Variants in PCDHA11 observed in about 807,000 individuals in gnomAD.
PCDHA11 encodes the protein protocadherin alpha-11.
PCDHA11 carries 61 observed loss-of-function variants against 70.3 expected under a neutral mutation model. The observed-to-expected ratio is 0.87, with a 90% CI of 0.71 to 1.07. The LOEUF is 1.07. Ranked by LOEUF, PCDHA11 falls within the 50% of genes least tolerant of loss-of-function variation. The pLI, the probability that PCDHA11 is intolerant of heterozygous loss-of-function variation, is 0.00. For missense variants in PCDHA11, 1,324 were observed against 1,237.5 expected (o/e 1.07, Z -1.05); for synonymous variants, 633 against 555.1 (o/e 1.14, Z -1.97).
chr5:140,869,810 A>G lies in PCDHA11; in HGVS notation c.707A>G (p.Asn236Ser). 6.2e-7 allele frequency: 1 copy of G among 1,612,624 alleles called. No individual in the cohort carries two copies. Among genetic ancestry groups the G allele is most frequent in the South Asian group, 1.1e-5 (1 of 90,936 alleles). Residue 236 changes from asparagine (N) to serine (S), a missense_variant, in exon 1 of 4, where the codon AAC becomes AGC. Asn to Ser is a conservative substitution (Grantham distance 46). Coordinates refer to ENST00000398640, the MANE Select transcript of PCDHA11 (RefSeq NM_018902.5). ...CTGTTAGTCCAAGTCTTGGATGTCAACGACAATGATCCAGAGTTTGATAAA... is the reference window on the plus strand; with the variant it reads ...CTGTTAGTCCAAGTCTTGGATGTCAGCGACAATGATCCAGAGTTTGATAAA... ...VRLLVQVLDV[N>S]DNDPEFDKSE...
rs1484271840 is a variant in PCDHA11 at position 140,900,260 on chromosome 5, A to G, written c.2391+28766A>G. Among the ~76,000 whole-genome samples the G allele has an allele frequency of 4.0e-5, 6 of 151,898 alleles. No homozygotes were observed. In the South Asian group the frequency reaches 1.0e-3, roughly 26 times the overall value. ...TTTTTTTATGGCTGAATAGTACTCC[A>G]TTGTGTATATGTACCACACTTTCTT... On this transcript the variant is annotated intron_variant, in intron 1 of 3. Coordinates refer to ENST00000398640, the MANE Select transcript of PCDHA11 (RefSeq NM_018902.5).
chr5:140,928,814 A>G, intron 1 of PCDHA11: 1 of 1,614,150 alleles, frequency 6.2e-7, no homozygotes, highest in East Asian at 2.2e-5. Context: ...GTTCGGGACC[A>G]TGGAGACCCA....
intron 1 of PCDHA11, among the ~76,000 whole-genome samples, chr5:140,905,814 G>A (rs1303983123): frequency 6.6e-6 from 1 of 152,090 alleles, no homozygotes; most frequent in South Asian, 2.1e-4. Flanking sequence ...GAATTAATAG[G>A]CTAGATGTGT....
intron 3 of PCDHA11, among the ~76,000 whole-genome samples, chr5:140,989,660 G>T (rs1369597923): frequency 6.6e-6 from 1 of 152,180 alleles, no homozygotes; most frequent in Non-Finnish European, 1.5e-5. Context: ...TATTTTAAAA[G>T]AAACTCTGCC....
At chr5:140,981,982 A>G (rs1026116713) in intron 2 of PCDHA11, among the ~76,000 whole-genome samples, 6 of 152,218 alleles carry the variant, frequency 3.9e-5, no homozygotes, top group Admixed American at 2.0e-4. Context: ...AAAGAGTAAA[A>G]TAGAAAATAA....
rs1487503403 is a variant in PCDHA11 at position 140,941,191 on chromosome 5, T to TTTCTTTC, written c.2392-37756_2392-37755insCTTTCTT. Among the ~76,000 whole-genome samples, 158 of 93,240 alleles carry TTTCTTTC rather than the reference T, an allele frequency of 1.7e-3. 2 individuals carry two copies. Among genetic ancestry groups the TTTCTTTC allele is most frequent in the South Asian group, 0.011 (38 of 3,542 alleles). 61.2% of individuals were successfully genotyped at this position (93,240 alleles called of 152,430 possible). A position where few individuals can be genotyped will look rare whatever the true frequency, so the allele number is the denominator to read the frequency against. ...CATCTTGAACATCCTGCTTCTTTTT[T>TTTCTTTC]TTTCTTTCTTCCTTTCTTTCTTCCT... On this transcript the variant is annotated intron_variant, in intron 1 of 3. Transcript: ENST00000398640.
intron 3 of PCDHA11, among the ~76,000 whole-genome samples, chr5:141,005,795 C>G (rs2098239997): frequency 8.0e-6 from 1 of 124,778 alleles, no homozygotes; most frequent in Admixed American, 8.1e-5. Context: ...GAGGCAAAAA[C>G]AACTCCAAGG....
At chr5:140,926,693 C>T (rs576013331) in intron 1 of PCDHA11, 12 of 742,944 alleles carry the variant, frequency 1.6e-5, no homozygotes, top group African/African-American at 9.2e-5. Context: ...CTAGCAAGCC[C>T]GGCTCCCAGC....
chr5:140,961,648 G>A (rs367674015), intron 1 of PCDHA11, among the ~76,000 whole-genome samples: 1 of 152,156 alleles, frequency 6.6e-6, no homozygotes, highest in African/African-American at 2.4e-5. Flanking sequence ...AGTCTATGTG[G>A]TTAGTTTGAA....
At chr5:140,887,494 CT>C (rs1439502451) in intron 1 of PCDHA11, among the ~76,000 whole-genome samples, 1 of 152,128 alleles carries the variant, frequency 6.6e-6, no homozygotes, top group Non-Finnish European at 1.5e-5. Flanking sequence ...TGCATAGTTT[CT>C]AATAAGATGT....
chr5:140,893,040 C>A (rs1554185508), intron 1 of PCDHA11, among the ~76,000 whole-genome samples: 1 of 152,226 alleles, frequency 6.6e-6, no homozygotes, highest in African/African-American at 2.4e-5. Flanking sequence ...AACATATGCC[C>A]TCCAGGCTCA....
At chr5:140,884,667 G>A (rs1304262646) in intron 1 of PCDHA11, 4 of 1,568,684 alleles carry the variant, frequency 2.5e-6, no homozygotes, top group Non-Finnish European at 2.6e-6. Context: ...AAAGAGGTAA[G>A]CTTATATTTT....
At chr5:140,895,292 C>T (rs1032250917) in intron 1 of PCDHA11, among the ~76,000 whole-genome samples, 11 of 152,044 alleles carry the variant, frequency 7.2e-5, no homozygotes, top group Non-Finnish European at 1.2e-4. Flanking sequence ...TTAGGACCTT[C>T]GATTTCCCCC....
chr5:140,879,027 G>C (rs2057822967), intron 1 of PCDHA11, among the ~76,000 whole-genome samples: 1 of 152,184 alleles, frequency 6.6e-6, no homozygotes, highest in African/African-American at 2.4e-5. Context: ...TTTTATTGAA[G>C]AGTGTCTTGA....
chr5:140,924,895 AAAAAAAAAAATAAAATAAAAT>A (rs1361418672), intron 1 of PCDHA11, among the ~76,000 whole-genome samples: 1,915 of 132,218 alleles, frequency 0.014, 23 homozygotes, highest in Admixed American at 0.024. Context: ...AACCTGTCTC[AAAAAAAAAAATAAAATAAAAT>A]AAAATAAAAT....
chr5:140,935,379 C>T (rs2090338823), intron 1 of PCDHA11, among the ~76,000 whole-genome samples: 1 of 152,196 alleles, frequency 6.6e-6, no homozygotes, highest in African/African-American at 2.4e-5. Context: ...CAGAATTACT[C>T]ATTTGTTATC....
intron 1 of PCDHA11, among the ~76,000 whole-genome samples, chr5:140,956,692 C>T (rs246012): frequency 0.56 from 85,656 of 151,960 alleles, 24,760 homozygotes; most frequent in African/African-American, 0.69. Context: ...CCTCCTTTTC[C>T]ATTGTTTGGA....
At chr5:140,968,909 G>T in intron 1 of PCDHA11, 1 of 1,614,172 alleles carries the variant, frequency 6.2e-7, no homozygotes, top group East Asian at 2.2e-5. Flanking sequence ...ATTAAGCACA[G>T]TGTCTTTTAT....
chr5:140,969,921 G>A (rs1417032241), intron 1 of PCDHA11, among the ~76,000 whole-genome samples: 2 of 152,198 alleles, frequency 1.3e-5, no homozygotes, highest in African/African-American at 2.4e-5. Flanking sequence ...TAAAGCTGTA[G>A]TATTTAGACA....
Sources: gnomAD v4.1 joint callset for allele counts (sites outside exome capture counted in the v4.1 genomes callset) on GRCh38, gnomAD v4.1.1 for gene constraint, MANE v1.5 for transcripts, NCBI Gene and HGNC (gene_info 2026-07-23, HGNC 2026-07-21) for gene names.